The following COL25A1 variants were observed in gnomAD, a reference collection of about 807,000 sequenced individuals.
COL25A1 encodes collagen type XXV alpha 1 chain.
COL25A1 carries 103 observed loss-of-function variants against 128.4 expected under a neutral mutation model. That is an observed-to-expected ratio of 0.80 (90% CI 0.68 to 0.94). The LOEUF is 0.94. Among genes scored for constraint, COL25A1 ranks in the 40% least tolerant of loss-of-function variants. The pLI is 0.00. For synonymous variants in COL25A1, 279 were observed against 277.2 expected, an observed-to-expected ratio of 1.01 and a Z score of -0.06; for missense variants, 745 against 840.0, an observed-to-expected ratio of 0.89 and a Z score of 1.40.
intron 27 of COL25A1, among the ~76,000 whole-genome samples, chr4:108,848,017 C>T (rs1000830201): frequency 5.9e-5 from 9 of 152,118 alleles, no homozygotes; most frequent in African/African-American, 1.9e-4. Context: ...TGAATACTGT[C>T]CACGTTCTCC....
intron 3 of COL25A1, among the ~76,000 whole-genome samples, chr4:109,175,517 GT>G (rs1365475681): frequency 6.6e-6 from 1 of 152,144 alleles, no homozygotes; most frequent in Non-Finnish European, 1.5e-5. Context: ...TTGTGATTAT[GT>G]GTTAAAAACA....
chr4:109,103,798 A>G lies in COL25A1; in HGVS notation c.368-53619T>C, dbSNP rs370875165. ...GTTGGATAAAAGATGGTGCAATTTG[A>G]TCACTAATAAGGTTAATAACTACAA... On this transcript the variant is annotated intron_variant, in intron 3 of 37. Transcript: ENST00000399132. Among the ~76,000 whole-genome samples, 15 of 152,314 alleles carry G rather than the reference A, an allele frequency of 9.8e-5. No individual in the cohort carries two copies. The East Asian group carries it at 2.5e-3, about 25-fold the overall frequency.
At chr4:108,943,097 G>A (rs903264227) in intron 8 of COL25A1, among the ~76,000 whole-genome samples, 1 of 152,134 alleles carries the variant, frequency 6.6e-6, no homozygotes, top group African/African-American at 2.4e-5. Context: ...GAAACTGAGA[G>A]CTCATTGTCA....
chr4:108,826,641 G>A (rs1309611728), intron 33 of COL25A1, among the ~76,000 whole-genome samples: 2 of 152,192 alleles, frequency 1.3e-5, no homozygotes, highest in African/African-American at 2.4e-5. Flanking sequence ...TAGAAAGTCA[G>A]AAACATCAAG....
chr4:108,920,181 G>C (rs761602206), intron 12 of COL25A1, among the ~76,000 whole-genome samples: 9 of 152,188 alleles, frequency 5.9e-5, no homozygotes, highest in Non-Finnish European at 1.3e-4. Context: ...CTTGAATATA[G>C]TGAACCCAGC....
At chr4:108,909,777 T>A (rs1182652765) in intron 13 of COL25A1, among the ~76,000 whole-genome samples, 2 of 152,214 alleles carry the variant, frequency 1.3e-5, no homozygotes, top group Admixed American at 1.3e-4. Flanking sequence ...AGCAGGAGTA[T>A]GCACGGTCAC....
At chr4:108,967,718 T>C (rs1382922481) in intron 8 of COL25A1, among the ~76,000 whole-genome samples, 1 of 152,200 alleles carries the variant, frequency 6.6e-6, no homozygotes, top group Non-Finnish European at 1.5e-5. Context: ...GCAACTTACC[T>C]AGAAAAGTAT....
At chr4:109,041,372 TA>T (rs35912073) in intron 5 of COL25A1, among the ~76,000 whole-genome samples, 10 of 151,206 alleles carry the variant, frequency 6.6e-5, no homozygotes, top group Non-Finnish European at 7.4e-5. Context: ...CCCCCTTTTT[TA>T]AAAAAAAATC....
rs150213770 is a variant in COL25A1 at position 109,129,421 on chromosome 4, G to A, written c.368-79242C>T. On this transcript the variant is annotated intron_variant, in intron 3 of 37. Coordinates refer to ENST00000399132, the MANE Select transcript of COL25A1 (RefSeq NM_198721.4). ...TGGGATTACAGGCATGAGCCACTGC[G>A]CCCAGCCCTTGTCAAATAATTTCTA... Among the ~76,000 whole-genome samples the A allele has an allele frequency of 2.4e-3, 358 of 152,150 alleles. 3 individuals are homozygous for A. The highest frequency in any genetic ancestry group is 8.2e-3 in the African/African-American group (340 of 41,504).
chr4:109,128,183 G>A (rs542451661), intron 3 of COL25A1, among the ~76,000 whole-genome samples: 5 of 152,224 alleles, frequency 3.3e-5, no homozygotes, highest in South Asian at 2.1e-4. Flanking sequence ...AACTAACAGC[G>A]TATGTCCCTG....
intron 3 of COL25A1, among the ~76,000 whole-genome samples, chr4:109,156,147 A>G (rs1448182893): frequency 2.6e-5 from 4 of 152,170 alleles, no homozygotes; most frequent in Admixed American, 6.5e-5. Flanking sequence ...AGAACCACAT[A>G]AAGGAAGCCA....
At chr4:109,056,229 T>C (rs1416909896) in intron 3 of COL25A1, among the ~76,000 whole-genome samples, 1 of 152,114 alleles carries the variant, frequency 6.6e-6, no homozygotes, top group Non-Finnish European at 1.5e-5. Flanking sequence ...ACTATTTTCT[T>C]ACACATTATT....
intron 5 of COL25A1, among the ~76,000 whole-genome samples, chr4:109,032,301 C>T (rs1758939935): frequency 6.6e-6 from 1 of 152,160 alleles, no homozygotes; most frequent in East Asian, 1.9e-4. Context: ...ACATCTGACT[C>T]TTTAAAAATT....
chr4:108,900,787 G>A (rs1181365393), intron 14 of COL25A1, among the ~76,000 whole-genome samples: 1 of 151,998 alleles, frequency 6.6e-6, no homozygotes, highest in Non-Finnish European at 1.5e-5. Context: ...TAGGCAATAT[G>A]GACATGACCT....
chr4:108,947,703 C>T (rs1009734177), intron 8 of COL25A1, among the ~76,000 whole-genome samples: 3 of 152,138 alleles, frequency 2.0e-5, no homozygotes, highest in Non-Finnish European at 4.4e-5. Context: ...ATATACTCTA[C>T]TTTGCTGTTT....
At chr4:108,854,588 G>T (rs1162383594) in intron 24 of COL25A1, among the ~76,000 whole-genome samples, 1 of 152,122 alleles carries the variant, frequency 6.6e-6, no homozygotes, top group Non-Finnish European at 1.5e-5. Context: ...ACACATTTAT[G>T]CAGCCAACAA....
At chr4:109,201,010 T>C (rs1369765330) in intron 3 of COL25A1, among the ~76,000 whole-genome samples, 3 of 152,206 alleles carry the variant, frequency 2.0e-5, no homozygotes, top group African/African-American at 7.2e-5. Flanking sequence ...AATCAACTTA[T>C]ATTTTTGAAT....
chr4:108,834,124 C>T (rs1041600985), intron 31 of COL25A1, among the ~76,000 whole-genome samples: 4 of 152,184 alleles, frequency 2.6e-5, no homozygotes, highest in Non-Finnish European at 4.4e-5. Context: ...GACTTGAACA[C>T]GAGCTTCACA....
Position 108,809,221 on chromosome 4 carries a change from T to C in COL25A1, c.*4706A>G, listed in dbSNP as rs1730612712. On this transcript the variant is annotated 3_prime_UTR_variant, in exon 38 of 38. Coordinates refer to ENST00000399132, the MANE Select transcript of COL25A1 (RefSeq NM_198721.4). ...GCATATTTCACTTATTTTGTATTTA[T>C]GTGAGTTTTTGGCAATATAAAAATA... The C allele has an allele frequency of 6.6e-6, 1 of 152,164 alleles. No homozygotes were observed. The highest frequency in any genetic ancestry group is 1.5e-5 in the Non-Finnish European group (1 of 67,986). The allele number at this position is 152,164 out of a possible 1,614,324, so 9.4% of individuals were successfully genotyped here.
Sources: allele counts gnomAD v4.1 joint callset (sites outside exome capture counted in the v4.1 genomes callset), GRCh38; gene constraint gnomAD v4.1.1; transcripts MANE v1.5; gene names NCBI Gene and HGNC (gene_info 2026-07-23, HGNC 2026-07-21).